The following CTNNA2 variants were observed in gnomAD, a reference collection of about 807,000 sequenced individuals.
CTNNA2 encodes catenin alpha 2.
In CTNNA2, 42 loss-of-function variants were observed where a neutral mutation model predicts 101.0. The observed-to-expected ratio is 0.42, with a 90% CI of 0.32 to 0.54. CTNNA2 has a LOEUF of 0.54. Ranked by LOEUF, CTNNA2 falls within the 20% of genes least tolerant of loss-of-function variation. The probability of loss-of-function intolerance (pLI) is 0.14; values close to 1 mark genes in which losing one functional copy is unlikely to be tolerated. For missense variants in CTNNA2, 871 were observed against 1,223.1 expected (o/e 0.71, Z 4.29); for synonymous variants, 450 against 456.4 (o/e 0.99, Z 0.18).
intron 1 of CTNNA2, among the ~76,000 whole-genome samples, chr2:79,614,171 C>G (rs1678470948): frequency 6.6e-6 from 1 of 152,016 alleles, no homozygotes; most frequent in Admixed American, 6.6e-5. Flanking sequence ...AAAATGAACT[C>G]AACATTAAAA....
intron 4 of CTNNA2, among the ~76,000 whole-genome samples, chr2:79,860,082 T>C (rs1681473460): frequency 6.6e-6 from 1 of 152,156 alleles, no homozygotes; most frequent in African/African-American, 2.4e-5. Context: ...CTCTGTTATA[T>C]CCATCTTTTC....
chr2:80,381,493 G>GA (rs1298021558), intron 7 of CTNNA2, among the ~76,000 whole-genome samples: 1 of 152,100 alleles, frequency 6.6e-6, no homozygotes, highest in Non-Finnish European at 1.5e-5. Context: ...GGACATGAGA[G>GA]GGAGAAAACA....
intron 3 of CTNNA2, among the ~76,000 whole-genome samples, chr2:79,802,746 T>G (rs1003238646): frequency 6.6e-6 from 1 of 152,280 alleles, no homozygotes; most frequent in African/African-American, 2.4e-5. Context: ...GTTCACTGAT[T>G]TGGTAAAATG....
chr2:79,912,622 C>T (rs1462174918), intron 7 of CTNNA2, among the ~76,000 whole-genome samples: 2 of 152,182 alleles, frequency 1.3e-5, no homozygotes, highest in Non-Finnish European at 2.9e-5. Flanking sequence ...CTTGGCTAGA[C>T]TTAAGTTGCT....
At chr2:80,406,335 GAAA>G (rs71669400) in intron 8 of CTNNA2, among the ~76,000 whole-genome samples, 4 of 129,614 alleles carry the variant, frequency 3.1e-5, no homozygotes, top group African/African-American at 1.1e-4. Flanking sequence ...ACTCCTTCTC[GAAA>G]AAAAAAAAAA....
chr2:79,457,312 T>C (rs1331839312), intron 4 of CTNNA2, among the ~76,000 whole-genome samples: 1 of 152,126 alleles, frequency 6.6e-6, no homozygotes, highest in African/African-American at 2.4e-5. Flanking sequence ...ACCATGAAAT[T>C]TTCCCTTTCC....
intron 4 of CTNNA2, among the ~76,000 whole-genome samples, chr2:79,463,786 A>G (rs980650283): frequency 5.9e-5 from 9 of 152,196 alleles, no homozygotes; most frequent in African/African-American, 1.9e-4. Context: ...GCATTAATGT[A>G]GCTTGTGCCC....
intron 7 of CTNNA2, among the ~76,000 whole-genome samples, chr2:80,143,636 G>T (rs903703664): frequency 1.3e-5 from 2 of 152,030 alleles, no homozygotes; most frequent in Non-Finnish European, 2.9e-5. Context: ...TAGATTTCAC[G>T]ATATTACGTA....
intron 9 of CTNNA2, among the ~76,000 whole-genome samples, chr2:80,496,219 C>T (rs1029787701): frequency 2.0e-5 from 3 of 152,154 alleles, no homozygotes; most frequent in Admixed American, 6.5e-5. Context: ...CCACCTAGTG[C>T]GTGGTACTTT....
At chr2:80,095,910 C>G (rs1164745154) in intron 7 of CTNNA2, among the ~76,000 whole-genome samples, 2 of 152,044 alleles carry the variant, frequency 1.3e-5, no homozygotes. Flanking sequence ...CTTTATTAGT[C>G]TTGCTAGCGA....
At chr2:79,459,058 T>C (rs1266370380) in intron 4 of CTNNA2, among the ~76,000 whole-genome samples, 1 of 152,192 alleles carries the variant, frequency 6.6e-6, no homozygotes, top group Non-Finnish European at 1.5e-5. Flanking sequence ...TAAAACCTGA[T>C]AGAATTTAAA....
chr2:79,793,041 T>C (rs1449906610), intron 3 of CTNNA2, among the ~76,000 whole-genome samples: 1 of 152,058 alleles, frequency 6.6e-6, no homozygotes, highest in Non-Finnish European at 1.5e-5. Flanking sequence ...ATAGAGAGAA[T>C]TTTGGATGGT....
chr2:80,456,485 C>T (rs1355740495), intron 9 of CTNNA2, among the ~76,000 whole-genome samples: 2 of 152,176 alleles, frequency 1.3e-5, no homozygotes, highest in Non-Finnish European at 2.9e-5. Context: ...GATCCCAGAG[C>T]AAGGCCACTT....
intron 3 of CTNNA2, among the ~76,000 whole-genome samples, chr2:79,802,454 T>C (rs77764981): frequency 0.019 from 2,850 of 152,270 alleles, 81 homozygotes; most frequent in African/African-American, 0.064. Flanking sequence ...CATTACTGCT[T>C]GTTTGGTGAT....
chr2:80,194,144 C>T (rs1706689697), intron 7 of CTNNA2, among the ~76,000 whole-genome samples: 1 of 152,104 alleles, frequency 6.6e-6, no homozygotes. Context: ...TGCCCTCAGC[C>T]AATTGCCATT....
At chr2:80,535,238 A>G (rs1005585086) in intron 9 of CTNNA2, among the ~76,000 whole-genome samples, 3 of 152,202 alleles carry the variant, frequency 2.0e-5, no homozygotes, top group African/African-American at 4.8e-5. Context: ...CCACCAAAAT[A>G]TAAGCTCATC....
At chr2:79,844,738 T>C in intron 3 of CTNNA2, among the ~76,000 whole-genome samples, 1 of 152,142 alleles carries the variant, frequency 6.6e-6, no homozygotes, top group East Asian at 1.9e-4. Flanking sequence ...GCCTTGAACT[T>C]GAACTATTGA....
chr2:80,586,758 T>G (rs888672221), intron 14 of CTNNA2, among the ~76,000 whole-genome samples: 1 of 152,242 alleles, frequency 6.6e-6, no homozygotes, highest in Non-Finnish European at 1.5e-5. Context: ...AAGTCTGGAT[T>G]TTTAAATATG....
chr2:79,658,294 T>C (rs1681763771), intron 2 of CTNNA2, among the ~76,000 whole-genome samples: 1 of 151,944 alleles, frequency 6.6e-6, no homozygotes, highest in African/African-American at 2.4e-5. Context: ...AAATGTAAAA[T>C]ATAGATAATA....
Sources: gnomAD v4.1 joint callset for allele counts (sites outside exome capture counted in the v4.1 genomes callset) on GRCh38, gnomAD v4.1.1 for gene constraint, MANE v1.5 for transcripts, NCBI Gene and HGNC (gene_info 2026-07-23, HGNC 2026-07-21) for gene names.